Variants in MYO18A observed in about 807,000 individuals in gnomAD.
MYO18A encodes the protein unconventional myosin-XVIIIa.
In MYO18A, 78 loss-of-function variants were observed where a neutral mutation model predicts 235.8. That is an observed-to-expected ratio of 0.33 (90% CI 0.28 to 0.40). The LOEUF (loss-of-function observed/expected upper bound fraction) is 0.40. Among genes scored for constraint, MYO18A ranks in the 10% least tolerant of loss-of-function variants. MYO18A has a pLI of 1.00. For synonymous variants in MYO18A, 977 were observed against 1,077.8 expected, an observed-to-expected ratio of 0.91 and a Z score of 1.83; for missense variants, 2,215 against 2,699.3, an observed-to-expected ratio of 0.82 and a Z score of 3.98.
At position 29,075,120 on chromosome 17, in the gene MYO18A, A is replaced by G. The variant is rs1598253770; in HGVS notation, c.6021-206T>C. 3 of 567,356 alleles carry G rather than the reference A, an allele frequency of 5.3e-6. No individual in the cohort carries two copies. The East Asian group carries it at 8.9e-5, about 17-fold the overall frequency. The allele number at this position is 567,356 out of a possible 1,614,324, so 35.1% of individuals were successfully genotyped here. On this transcript the variant is annotated intron_variant, in intron 41 of 41. Coordinates refer to ENST00000527372, the MANE Select transcript of MYO18A (RefSeq NM_078471.4). ...TCTGGAAGCTTTTAAAGCTCCGAGG[A>G]AAGGGATGCTGAGAGCAGTGAGTCT...
At chr17:29,157,212 G>A (rs566705756) in intron 2 of MYO18A, among the ~76,000 whole-genome samples, 14 of 152,234 alleles carry the variant, frequency 9.2e-5, no homozygotes, top group Admixed American at 4.6e-4. Flanking sequence ...TTCTTAAGGC[G>A]TCCCTCTTCC....
At position 29,118,513 on chromosome 17, in the gene MYO18A, C is replaced by A; in HGVS notation, c.1830-73G>T. ...AGGCCATTTCCGCCCAGGGTGGAGACAGACAGACTCAGCTTCCAGACTCCA... is the reference window on the plus strand; with the variant it reads ...AGGCCATTTCCGCCCAGGGTGGAGAAAGACAGACTCAGCTTCCAGACTCCA... On this transcript the variant is annotated intron_variant, in intron 8 of 41. Transcript: ENST00000527372. The surrounding 1 kb of genome is among the most constrained non-coding windows in gnomAD (Gnocchi z 4.2). The A allele has an allele frequency of 7.4e-7, 1 of 1,349,458 alleles. No homozygotes were observed. Among genetic ancestry groups the A allele is most frequent in the Non-Finnish European group, 1.0e-6 (1 of 965,654 alleles). 83.6% of individuals were successfully genotyped at this position (1,349,458 alleles called of 1,614,324 possible).
Position 29,097,388 on chromosome 17 carries a change from TGA to T in MYO18A, c.4103-40_4103-39del, listed in dbSNP as rs756661099. 5.6e-6 allele frequency: 9 copies of T among 1,600,916 alleles called. No individual in the cohort carries two copies. The Admixed American group carries it at 1.5e-4, about 27-fold the overall frequency. ...GGCAGACAAGGGAGGATGGAGGTGC[TGA>T]GAGTCCCCAGAAGGGGCAGAGGGGA... On this transcript the variant is annotated intron_variant, in intron 26 of 41. Coordinates refer to ENST00000527372, the MANE Select transcript of MYO18A (RefSeq NM_078471.4).
In MYO18A at chr17:29,097,749, T is replaced by C. The variant is rs376992434; in HGVS notation, c.4102+39A>G. 3.9e-5 allele frequency: 61 copies of C among 1,560,470 alleles called. No homozygotes were observed. In the African/African-American group the frequency reaches 4.1e-4, roughly 10 times the overall value. ...CCAGGGGTGGGCATCAGGGCTCGCATTGCGGGCCACTGCCGAGCTCCTTGG... is the reference window on the plus strand; with the variant it reads ...CCAGGGGTGGGCATCAGGGCTCGCACTGCGGGCCACTGCCGAGCTCCTTGG... On this transcript the variant is annotated intron_variant, in intron 26 of 41. Transcript: ENST00000527372.
Position 29,117,022 on chromosome 17 carries a change from C to T in MYO18A, c.2039-567G>A, listed in dbSNP as rs929276795. On this transcript the variant is annotated intron_variant, in intron 10 of 41. Coordinates refer to ENST00000527372, the MANE Select transcript of MYO18A (RefSeq NM_078471.4). This position sits in a 1 kb window ranked among gnomAD's most constrained non-coding sequence, Gnocchi z 4.6. ...TTGGGGTCGCTCGCATGGAGCCTCA[C>T]GCCTGGGCACCCATTCCTCCATACA... 3.9e-5 allele frequency among the ~76,000 whole-genome samples: 6 copies of T among 152,028 alleles called. No homozygotes were observed. The highest frequency in any genetic ancestry group is 1.2e-4 in the African/African-American group (5 of 41,386).
At chr17:29,156,754 G>T (rs970867906) in intron 2 of MYO18A, among the ~76,000 whole-genome samples, 1 of 152,222 alleles carries the variant, frequency 6.6e-6, no homozygotes, top group African/African-American at 2.4e-5. Context: ...GAAGGCTGGG[G>T]TGTTGCCAGG....
At chr17:29,103,450 G>T (rs2066704661) in intron 21 of MYO18A, 149 bp downstream of exon 21, 1 of 751,608 alleles carries the variant, frequency 1.3e-6, no homozygotes, top group Non-Finnish European at 2.2e-6. Context: ...CCCCTGAGTG[G>T]CTGGGCGGGG....
At chr17:29,101,941 C>T (rs934752966) in intron 21 of MYO18A, among the ~76,000 whole-genome samples, 2 of 152,096 alleles carry the variant, frequency 1.3e-5, no homozygotes, top group Non-Finnish European at 2.9e-5. Flanking sequence ...GGCTCTGAGC[C>T]CCCCCAGAGT....
intron 23 of MYO18A, 99 bp from the exon 24 acceptor site, chr17:29,098,544 G>GT (rs2066578290): frequency 1.4e-6 from 2 of 1,392,078 alleles, no homozygotes; most frequent in Admixed American, 1.9e-5. Context: ...ATGAAGCTTG[G>GT]GCCAGGACGC....
chr17:29,098,102 C>T lies in MYO18A; in HGVS notation c.3990+3G>A. On this transcript the variant is annotated splice_donor_region_variant and intron_variant, in intron 25 of 41. Transcript: ENST00000527372. ...GCTGTTCTCACCCAGGCCCTGCCCT[C>T]ACCTGCAGTTCCTTCATCTCCTTCT... 6.2e-7 allele frequency: 1 copy of T among 1,612,792 alleles called. No homozygotes were observed. Among genetic ancestry groups the T allele is most frequent in the Non-Finnish European group, 8.5e-7 (1 of 1,179,870 alleles).
In MYO18A at chr17:29,126,148, G is replaced by T. The variant is rs1169585871; in HGVS notation, c.1000-3895C>A. ...GAAAAAAAAGAACAAGTGCCTGGGAGTTCTGGGGTTATTTCTTCCCACCTG... is the reference window on the plus strand; with the variant it reads ...GAAAAAAAAGAACAAGTGCCTGGGATTTCTGGGGTTATTTCTTCCCACCTG... On this transcript the variant is annotated intron_variant, in intron 2 of 41. Transcript: ENST00000527372. The surrounding 1 kb of genome is among the most constrained non-coding windows in gnomAD (Gnocchi z 4.1). Among the ~76,000 whole-genome samples, 1 of 152,184 alleles carries T rather than the reference G, an allele frequency of 6.6e-6. No individual in the cohort carries two copies. Among genetic ancestry groups the T allele is most frequent in the African/African-American group, 2.4e-5 (1 of 41,444 alleles).
chr17:29,100,169 C>T (rs1040107416), intron 21 of MYO18A, among the ~76,000 whole-genome samples: 2 of 152,238 alleles, frequency 1.3e-5, no homozygotes, highest in Admixed American at 6.5e-5. Context: ...TGCCCACAGC[C>T]CACTGCAGGG....
chr17:29,082,460 A>C, intron 40 of MYO18A, 22 bp from the exon 41 acceptor site: 1 of 1,609,052 alleles, frequency 6.2e-7, no homozygotes. Flanking sequence ...AGGAGCAGAA[A>C]GGTAGACAAG....
Position 29,140,699 on chromosome 17 carries a change from T to C in MYO18A, c.1000-18446A>G, listed in dbSNP as rs2067718817. Among the ~76,000 whole-genome samples, 1 of 151,868 alleles carries C rather than the reference T, an allele frequency of 6.6e-6. No homozygotes were observed. The highest frequency in any genetic ancestry group is 1.5e-5 in the Non-Finnish European group (1 of 67,980). On this transcript the variant is annotated intron_variant, in intron 2 of 41. Coordinates refer to ENST00000527372, the MANE Select transcript of MYO18A (RefSeq NM_078471.4). The surrounding 1 kb of genome is among the most constrained non-coding windows in gnomAD (Gnocchi z 4.2). The stretch of plus-strand genomic sequence containing the variant: ...CCCAGCTCCGGGACAGCTGGGCTGA[T>C]ATGGCTCCTAAAAATAGCAGAGGAA...
rs371965802 is a variant in MYO18A, at chr17:29,098,821, C to G, written c.3780+5G>C. The stretch of plus-strand genomic sequence containing the variant: ...GAGACTTGGCCCTCTCAGGCTGTCA[C>G]ATACGTCTTTGTTCCGGATCTGCTC... On this transcript the variant is annotated splice_donor_5th_base_variant and intron_variant, in intron 23 of 41. Transcript: ENST00000527372. The G allele has an allele frequency of 3.1e-6, 5 of 1,613,834 alleles. No homozygotes were observed. In the African/African-American group the frequency reaches 6.7e-5, roughly 22 times the overall value.
At chr17:29,079,820 G>A (rs752696681) in intron 41 of MYO18A, 20 of 986,058 alleles carry the variant, frequency 2.0e-5, no homozygotes, top group Non-Finnish European at 2.2e-5. Context: ...GACGGCCGGT[G>A]CGTCTGCCCA....
chr17:29,179,642 G>T (rs1290694404), intron 1 of MYO18A, among the ~76,000 whole-genome samples: 1 of 152,142 alleles, frequency 6.6e-6, no homozygotes, highest in African/African-American at 2.4e-5. Context: ...AAGGTGAGGT[G>T]AGCATTCAGT....
Position 29,114,933 on chromosome 17 carries a change from C to A in MYO18A, c.2485G>T (p.Val829Leu). ...LQRLFHERTF[V>L]QELERYKEEN... is the part of the protein sequence containing the mutation. Reference sequence around the variant, plus strand: ...TCCTTGTATCTTTCCAACTCCTGCACGAAGGTGCGCTCGTGGAAGAGCCTC... The same window carrying A: ...TCCTTGTATCTTTCCAACTCCTGCAAGAAGGTGCGCTCGTGGAAGAGCCTC... The change falls in exon 14 of 42, where the codon GTG becomes TTG. Residue 829 changes from valine to leucine, a missense_variant. Coordinates refer to ENST00000527372, the MANE Select transcript of MYO18A (RefSeq NM_078471.4). The A allele has an allele frequency of 2.5e-6, 4 of 1,613,876 alleles. No homozygotes were observed. Among genetic ancestry groups the A allele is most frequent in the South Asian group, 2.2e-5 (2 of 91,060 alleles).
At chr17:29,094,153 G>A in intron 30 of MYO18A, 63 bp from the exon 31 acceptor site, 1 of 1,199,924 alleles carries the variant, frequency 8.3e-7, no homozygotes, top group Non-Finnish European at 1.2e-6. Context: ...CTTCCCACCT[G>A]TGCATGGCTC....
Sources: allele counts gnomAD v4.1 joint callset (sites outside exome capture counted in the v4.1 genomes callset), GRCh38; gene constraint gnomAD v4.1.1; non-coding constraint Gnocchi (gnomAD v3.1); transcripts MANE v1.5; gene names NCBI Gene and HGNC (gene_info 2026-07-23, HGNC 2026-07-21).